Variants in DNAH11 observed in about 807,000 individuals in gnomAD.
The protein encoded by DNAH11 is axonemal beta dynein heavy chain 11.
Under a neutral mutation model 526.0 loss-of-function variants are expected in DNAH11, and 442 were observed. That is an observed-to-expected ratio of 0.84 (90% CI 0.78 to 0.91). The LOEUF (loss-of-function observed/expected upper bound fraction) is 0.91. Among genes scored for constraint, DNAH11 ranks in the 40% least tolerant of loss-of-function variants. The probability of loss-of-function intolerance (pLI) is 0.00; values close to 1 mark genes in which losing one functional copy is unlikely to be tolerated. For synonymous variants in DNAH11, 2,461 were observed against 1,935.9 expected (o/e 1.27, Z -7.12); for missense variants, 6,989 against 5,448.7 (o/e 1.28, Z -8.90).
intron 2 of DNAH11, 65 bp downstream of exon 2, chr7:21,545,214 A>G (rs1782759937): frequency 2.2e-6 from 3 of 1,383,438 alleles, no homozygotes; most frequent in Admixed American, 2.6e-5. Flanking sequence ...ATTATTTAGG[A>G]CAACTCCGAT....
intron 68 of DNAH11, among the ~76,000 whole-genome samples, chr7:21,858,839 A>C (rs1363253060): frequency 6.6e-6 from 1 of 152,204 alleles, no homozygotes; most frequent in South Asian, 2.1e-4. Context: ...AGACTCATCA[A>C]ACTGTGCATA....
At chr7:21,857,223 T>G (rs1194476339) in intron 68 of DNAH11, among the ~76,000 whole-genome samples, 1 of 152,216 alleles carries the variant, frequency 6.6e-6, no homozygotes, top group African/African-American at 2.4e-5. Context: ...TACAGTGGCT[T>G]CCAAAGCCGT....
intron 65 of DNAH11, among the ~76,000 whole-genome samples, chr7:21,835,287 A>G (rs1198653324): frequency 6.6e-6 from 1 of 152,008 alleles, no homozygotes; most frequent in African/African-American, 2.4e-5. Flanking sequence ...CATCACCCTG[A>G]TACTAAAACC....
At chr7:21,855,029 ATTT>A (rs61635369) in intron 68 of DNAH11, among the ~76,000 whole-genome samples, 4,368 of 114,530 alleles carry the variant, frequency 0.038, 200 homozygotes, top group African/African-American at 0.13. Context: ...CAGTCTCTTA[ATTT>A]TTTTTTTTTT....
intron 31 of DNAH11, among the ~76,000 whole-genome samples, chr7:21,682,131 C>G (rs1783167946): frequency 6.6e-6 from 1 of 152,196 alleles, no homozygotes; most frequent in African/African-American, 2.4e-5. Context: ...TAGGTTGTCA[C>G]TTGGGTAATC....
chr7:21,765,250 G>A (rs1453622401), intron 54 of DNAH11, among the ~76,000 whole-genome samples, 178 bp from the exon 55 acceptor site: 2 of 152,112 alleles, frequency 1.3e-5, no homozygotes, highest in African/African-American at 2.4e-5. Context: ...CAGCCTCTTT[G>A]GACAGGTTTC....
chr7:21,596,424 A>T (rs771010164), intron 14 of DNAH11, among the ~76,000 whole-genome samples: 2 of 152,218 alleles, frequency 1.3e-5, no homozygotes, highest in Non-Finnish European at 2.9e-5. Flanking sequence ...TTTCAGCAGT[A>T]TCTTAACTAA....
chr7:21,639,108 G>C (rs780847310), intron 28 of DNAH11, 43 bp downstream of exon 28: 1 of 1,562,558 alleles, frequency 6.4e-7, no homozygotes, highest in Non-Finnish European at 8.7e-7. Context: ...TGTGTTAGCT[G>C]AGGAATGTCA....
chr7:21,812,144 A>C (rs1203349494), intron 63 of DNAH11, among the ~76,000 whole-genome samples: 2 of 152,196 alleles, frequency 1.3e-5, no homozygotes, highest in Admixed American at 6.5e-5. Context: ...CATCATCTAC[A>C]TGGGCACTGA....
intron 6 of DNAH11, among the ~76,000 whole-genome samples, chr7:21,564,898 TAAAA>T (rs201951934): frequency 6.8e-6 from 1 of 147,656 alleles, no homozygotes; most frequent in Admixed American, 6.8e-5. Flanking sequence ...TGCAAAATGT[TAAAA>T]AAAAAAAAAT....
Position 21,717,790 on chromosome 7 carries a change from G to C in DNAH11, c.6999G>C (p.Trp2333Cys). The C allele has an allele frequency of 6.2e-7, 1 of 1,613,752 alleles. No individual in the cohort carries two copies. Among genetic ancestry groups the C allele is most frequent in the Non-Finnish European group, 8.5e-7 (1 of 1,179,808 alleles). Residue 2333 changes from tryptophan (W) to cysteine (C), a missense_variant, in exon 43 of 82, where the codon TGG becomes TGC. Physicochemically the swap from Trp to Cys is radical, Grantham distance 215 (BLOSUM62 -2). Coordinates refer to ENST00000409508, the MANE Select transcript of DNAH11 (RefSeq NM_001277115.2). The stretch of plus-strand genomic sequence containing the variant: ...TCCTTTTCAGGTATGTGGCCAGTTG[G>C]ATAGACAGAAGGCGGCATCAATCAG... ...DLGWNPYVAS[W>C]IDRRRHQSEK...
chr7:21,769,605 C>T (rs1787335960), intron 55 of DNAH11, among the ~76,000 whole-genome samples: 1 of 152,090 alleles, frequency 6.6e-6, no homozygotes, highest in Non-Finnish European at 1.5e-5. Flanking sequence ...CTGCCTCAGC[C>T]TCCTGAGTAG....
intron 76 of DNAH11, among the ~76,000 whole-genome samples, chr7:21,888,604 C>G (rs934612154): frequency 1.3e-5 from 2 of 152,098 alleles, no homozygotes; most frequent in Non-Finnish European, 2.9e-5. Flanking sequence ...ATTCTCCTGT[C>G]TCAGCCTCCT....
chr7:21,613,641 A>G (rs1286295107), intron 20 of DNAH11, among the ~76,000 whole-genome samples: 1 of 152,204 alleles, frequency 6.6e-6, no homozygotes, highest in Non-Finnish European at 1.5e-5. Flanking sequence ...GTTAATAGCA[A>G]CGTACTGTAT....
chr7:21,613,258 CATTT>C lies in DNAH11; in HGVS notation c.3853-1854_3853-1851del, dbSNP rs1231150806. ...TGCATTTCACAAACATAAATTTTAA[CATTT>C]AGCGCTTAGCAATACATTAATGTGA... On this transcript the variant is annotated intron_variant, in intron 20 of 81. Coordinates refer to ENST00000409508, the MANE Select transcript of DNAH11 (RefSeq NM_001277115.2). 3.9e-5 allele frequency among the ~76,000 whole-genome samples: 6 copies of C among 152,144 alleles called. No homozygotes were observed. The East Asian group carries it at 5.8e-4, about 15-fold the overall frequency.
chr7:21,787,417 A>T lies in DNAH11; in HGVS notation c.9758A>T (p.Gln3253Leu). 2 of 1,604,376 alleles carry T rather than the reference A, an allele frequency of 1.2e-6. No individual in the cohort carries two copies. Among genetic ancestry groups the T allele is most frequent in the Non-Finnish European group, 1.7e-6 (2 of 1,176,054 alleles). Residue 3253 changes from glutamine to leucine, a missense_variant, in exon 60 of 82, where the codon CAA becomes CTA. Transcript: ENST00000409508. ...GCTTTGCAGGTTGATGATTTTTTGC[A>T]AGCATTAATTAACTATGACAAAGAG... ...VFMGKVDDFLQALINYDKEHI... is the reference protein window; with the variant it reads ...VFMGKVDDFLLALINYDKEHI...
chr7:21,749,241 C>T (rs918934028), intron 52 of DNAH11, among the ~76,000 whole-genome samples: 1 of 152,182 alleles, frequency 6.6e-6, no homozygotes, highest in Non-Finnish European at 1.5e-5. Flanking sequence ...ATAGTACCTA[C>T]AATTTGTGCC....
chr7:21,636,572 TA>T (rs1290271273), intron 26 of DNAH11, among the ~76,000 whole-genome samples: 1 of 152,052 alleles, frequency 6.6e-6, no homozygotes, highest in African/African-American at 2.4e-5. Context: ...CCTTCTCTAC[TA>T]AAAAATTTTT....
At chr7:21,566,115 C>A (rs1783656331) in intron 6 of DNAH11, among the ~76,000 whole-genome samples, 1 of 152,152 alleles carries the variant, frequency 6.6e-6, no homozygotes, top group Admixed American at 6.5e-5. Context: ...AACTGTTTCA[C>A]TGCAAATCCT....
Sources: gnomAD v4.1 joint callset for allele counts (sites outside exome capture counted in the v4.1 genomes callset) on GRCh38, gnomAD v4.1.1 for gene constraint, MANE v1.5 for transcripts, NCBI Gene and HGNC (gene_info 2026-07-23, HGNC 2026-07-21) for gene names.